TBC1D14: variants seen among roughly 807,000 people sequenced by gnomAD.
The protein encoded by TBC1D14 is TBC1 domain family member 14.
A neutral mutation model predicts 79.0 loss-of-function variants in TBC1D14; 26 were observed. The ratio of observed to expected loss-of-function variants is 0.33; its 90% CI spans 0.24 to 0.46. The LOEUF is 0.46. TBC1D14 is among the 20% of genes least tolerant of loss of function. TBC1D14 has a pLI of 1.00. For missense variants in TBC1D14, 769 were observed against 887.6 expected (o/e 0.87, Z 1.70); for synonymous variants, 394 against 349.9 (o/e 1.13, Z -1.40).
At chr4:6,963,650 C>T (rs1715446085) in intron 2 of TBC1D14, among the ~76,000 whole-genome samples, 1 of 152,252 alleles carries the variant, frequency 6.6e-6, no homozygotes, top group Admixed American at 6.5e-5. Flanking sequence ...CCCCAGGCTA[C>T]AGCACCTTTT....
intron 1 of TBC1D14, among the ~76,000 whole-genome samples, chr4:6,913,349 GAA>G (rs1291554926): frequency 2.6e-5 from 4 of 152,242 alleles, no homozygotes; most frequent in African/African-American, 9.6e-5. Flanking sequence ...AGAAGTGTAA[GAA>G]TGGTTAAGTG....
At position 6,996,423 on chromosome 4, in the gene TBC1D14, C is replaced by T. The variant is rs1477473872; in HGVS notation, c.1045+16C>T. 6.3e-7 allele frequency: 1 copy of T among 1,594,030 alleles called. No homozygotes were observed. On this transcript the variant is annotated intron_variant, in intron 5 of 13. Coordinates refer to ENST00000409757, the MANE Select transcript of TBC1D14 (RefSeq NM_020773.3). ...AAAAAGCGAGGTAATGGGGTTCACACTTGATGGGTTAAATCAGGCAGCACA... is the reference window on the plus strand; with the variant it reads ...AAAAAGCGAGGTAATGGGGTTCACATTTGATGGGTTAAATCAGGCAGCACA...
At position 7,013,163 on chromosome 4, in the gene TBC1D14, G is replaced by A. The variant is rs540079750; in HGVS notation, c.1648-1285G>A. ...CATGACAGCAGCAGATTTTCTCCCT[G>A]GCAGCCCCGTTGAACTTAGGACTGT... On this transcript the variant is annotated intron_variant, in intron 11 of 13. Coordinates refer to ENST00000409757, the MANE Select transcript of TBC1D14 (RefSeq NM_020773.3). Among the ~76,000 whole-genome samples, 35 of 152,198 alleles carry A rather than the reference G, an allele frequency of 2.3e-4. No individual in the cohort carries two copies. In the East Asian group the frequency reaches 6.0e-3, roughly 26 times the overall value.
At chr4:7,027,665 CCACA>C (rs79337721) in intron 13 of TBC1D14, among the ~76,000 whole-genome samples, 40,921 of 108,498 alleles carry the variant, frequency 0.38, 9,139 homozygotes, top group East Asian at 0.56. Flanking sequence ...CACAATCACC[CCACA>C]CAATCACACA....
intron 7 of TBC1D14, among the ~76,000 whole-genome samples, chr4:7,002,138 C>T (rs552233450): frequency 2.6e-5 from 4 of 152,304 alleles, no homozygotes; most frequent in South Asian, 2.1e-4. Flanking sequence ...CACGCCCTCA[C>T]GGAGCGTCAG....
intron 13 of TBC1D14, among the ~76,000 whole-genome samples, chr4:7,027,776 C>T (rs1577198396): frequency 7.0e-6 from 1 of 141,976 alleles, no homozygotes; most frequent in South Asian, 2.3e-4. Flanking sequence ...ACACATCACA[C>T]ATCCATACAC....
At chr4:6,942,670 G>A (rs1030608695) in intron 2 of TBC1D14, among the ~76,000 whole-genome samples, 1 of 152,154 alleles carries the variant, frequency 6.6e-6, no homozygotes, top group Non-Finnish European at 1.5e-5. Flanking sequence ...TTCTGTGGTG[G>A]GAGGAGTGAG....
intron 2 of TBC1D14, among the ~76,000 whole-genome samples, chr4:6,928,689 T>C (rs4689056): frequency 0.091 from 13,844 of 152,196 alleles, 818 homozygotes; most frequent in Middle Eastern, 0.16. Flanking sequence ...AAAAATTAGC[T>C]GGGTTTCTGT....
chr4:7,013,551 T>C lies in TBC1D14; in HGVS notation c.1648-897T>C, dbSNP rs148454468. ...TGCTTCCTTAAAAAACCGTCCACCGTTGGAAAGCAAGTTCCATAAACTACG... is the reference window on the plus strand; with the variant it reads ...TGCTTCCTTAAAAAACCGTCCACCGCTGGAAAGCAAGTTCCATAAACTACG... On this transcript the variant is annotated intron_variant, in intron 11 of 13. Transcript: ENST00000409757. Among the ~76,000 whole-genome samples, 153 of 152,346 alleles carry C rather than the reference T, an allele frequency of 1.0e-3. 1 individual carries two copies. Among genetic ancestry groups the C allele is most frequent in the African/African-American group, 3.5e-3 (147 of 41,586 alleles).
intron 2 of TBC1D14, among the ~76,000 whole-genome samples, chr4:6,936,986 C>T (rs191993261): frequency 9.2e-5 from 14 of 152,264 alleles, no homozygotes; most frequent in African/African-American, 2.4e-4. Context: ...GGCACGATCT[C>T]GGCTCACCGC....
intron 2 of TBC1D14, among the ~76,000 whole-genome samples, chr4:6,960,828 A>T (rs1363412218): frequency 2.0e-5 from 3 of 152,140 alleles, no homozygotes; most frequent in East Asian, 1.9e-4. Context: ...CTTCCAGCCT[A>T]ATCGGGTGCA....
At chr4:6,920,157 A>T (rs1028156514) in intron 1 of TBC1D14, among the ~76,000 whole-genome samples, 6 of 152,208 alleles carry the variant, frequency 3.9e-5, no homozygotes, top group Non-Finnish European at 7.4e-5. Flanking sequence ...AGTTGAGTCT[A>T]TTTCTGAATT....
At chr4:7,020,844 G>T (rs1435206726) in intron 12 of TBC1D14, among the ~76,000 whole-genome samples, 1 of 152,172 alleles carries the variant, frequency 6.6e-6, no homozygotes, top group Non-Finnish European at 1.5e-5. Context: ...GGAATTACAG[G>T]CACATGCCAC....
At chr4:6,987,342 C>T in intron 3 of TBC1D14, 2 of 1,424,302 alleles carry the variant, frequency 1.4e-6, no homozygotes, top group Non-Finnish European at 9.2e-7. Flanking sequence ...AAGGCCCCGG[C>T]GTTCATGGTG....
intron 2 of TBC1D14, among the ~76,000 whole-genome samples, chr4:6,956,353 A>G (rs1171563019): frequency 2.0e-5 from 3 of 152,164 alleles, no homozygotes; most frequent in African/African-American, 7.2e-5. Context: ...CTGTGGCCAC[A>G]TCTTCTATTC....
At chr4:7,008,013 T>C (rs1292697770) in intron 9 of TBC1D14, among the ~76,000 whole-genome samples, 1 of 152,230 alleles carries the variant, frequency 6.6e-6, no homozygotes, top group Non-Finnish European at 1.5e-5. Flanking sequence ...CCCACTAGCT[T>C]TGGGCAAATC....
At chr4:6,979,445 GT>G in intron 3 of TBC1D14, among the ~76,000 whole-genome samples, 1 of 152,140 alleles carries the variant, frequency 6.6e-6, no homozygotes, top group Non-Finnish European at 1.5e-5. Flanking sequence ...GATAAGCATA[GT>G]GAGACCCTGT....
intron 2 of TBC1D14, among the ~76,000 whole-genome samples, chr4:6,940,577 G>T (rs1408363783): frequency 2.0e-5 from 3 of 152,132 alleles, no homozygotes; most frequent in African/African-American, 4.8e-5. Flanking sequence ...CCCTCCCTGT[G>T]ACCTCTAGTG....
At chr4:7,017,098 C>T (rs1178521690) in intron 12 of TBC1D14, among the ~76,000 whole-genome samples, 3 of 152,274 alleles carry the variant, frequency 2.0e-5, no homozygotes, top group East Asian at 1.9e-4. Flanking sequence ...GTCAGGAGTT[C>T]GAGACCAACC....
Sources: gnomAD v4.1 joint callset for allele counts (sites outside exome capture counted in the v4.1 genomes callset) on GRCh38, gnomAD v4.1.1 for gene constraint, MANE v1.5 for transcripts, NCBI Gene and HGNC (gene_info 2026-07-23, HGNC 2026-07-21) for gene names.